Variants in NRG3 observed in about 807,000 individuals in gnomAD.
NRG3 encodes the protein neuregulin 3, also known as pro-neuregulin-3, membrane-bound isoform.
Under a neutral mutation model 66.9 loss-of-function variants are expected in NRG3, and 31 were observed. That is an observed-to-expected ratio of 0.46 (90% CI 0.35 to 0.63). The LOEUF is 0.63. Among genes scored for constraint, NRG3 ranks in the 20% least tolerant of loss-of-function variants. The pLI is 0.00. For synonymous variants in NRG3, 393 were observed against 359.4 expected, an observed-to-expected ratio of 1.09 and a Z score of -1.06; for missense variants, 910 against 878.9, an observed-to-expected ratio of 1.04 and a Z score of -0.45.
At chr10:81,876,747 C>A (rs1232076295) in intron 1 of NRG3, among the ~76,000 whole-genome samples, 1 of 152,112 alleles carries the variant, frequency 6.6e-6, no homozygotes, top group Non-Finnish European at 1.5e-5. Flanking sequence ...TAATTAGAAG[C>A]CACTGGGAGA....
intron 2 of NRG3, among the ~76,000 whole-genome samples, chr10:82,404,641 T>C (rs1348171866): frequency 6.6e-6 from 1 of 152,212 alleles, no homozygotes; most frequent in African/African-American, 2.4e-5. Context: ...TCCTAAGTTA[T>C]GGGAAAATAT....
At chr10:82,013,599 T>G (rs2061666368) in intron 1 of NRG3, among the ~76,000 whole-genome samples, 1 of 152,164 alleles carries the variant, frequency 6.6e-6, no homozygotes, top group Non-Finnish European at 1.5e-5. Context: ...GTGAATAAGT[T>G]TCAGAAATTC....
chr10:82,614,786 A>G (rs1448888168), intron 2 of NRG3, among the ~76,000 whole-genome samples: 1 of 152,120 alleles, frequency 6.6e-6, no homozygotes, highest in East Asian at 1.9e-4. Flanking sequence ...CTCAAATTTC[A>G]ATCTTCATCC....
chr10:81,906,991 G>A (rs935171140), intron 1 of NRG3, among the ~76,000 whole-genome samples: 1 of 152,134 alleles, frequency 6.6e-6, no homozygotes, highest in Admixed American at 6.6e-5. Flanking sequence ...GCTACTTTTG[G>A]AGAGAGAAGT....
At chr10:82,172,405 A>G (rs988258067) in intron 1 of NRG3, among the ~76,000 whole-genome samples, 7 of 152,096 alleles carry the variant, frequency 4.6e-5, no homozygotes, top group African/African-American at 1.7e-4. Flanking sequence ...TCTTTGATTT[A>G]TTTTTAATGT....
intron 2 of NRG3, among the ~76,000 whole-genome samples, chr10:82,482,860 T>C (rs1842388911): frequency 6.6e-6 from 1 of 152,100 alleles, no homozygotes; most frequent in African/African-American, 2.4e-5. Flanking sequence ...ACCTACAGGA[T>C]TACAGTGTGG....
At chr10:82,846,506 G>A (rs956206721) in intron 3 of NRG3, among the ~76,000 whole-genome samples, 5 of 152,058 alleles carry the variant, frequency 3.3e-5, no homozygotes, top group African/African-American at 1.2e-4. Flanking sequence ...TTATTTTTCA[G>A]TATCAAATAG....
intron 2 of NRG3, among the ~76,000 whole-genome samples, chr10:82,651,373 G>T (rs2133891275): frequency 6.6e-6 from 1 of 152,322 alleles, no homozygotes; most frequent in Non-Finnish European, 1.5e-5. Context: ...CAATAAAAGA[G>T]AAATAATGGG....
chr10:82,232,836 G>A (rs1486882068), intron 1 of NRG3: 1 of 717,286 alleles, frequency 1.4e-6, no homozygotes, highest in South Asian at 1.5e-5. Context: ...TGTAAGGCAT[G>A]GCCTTTGTTG....
intron 1 of NRG3, among the ~76,000 whole-genome samples, chr10:81,987,793 T>C (rs2060582796): frequency 6.6e-6 from 1 of 152,178 alleles, no homozygotes; most frequent in Admixed American, 6.5e-5. Context: ...CCAAAGAAAT[T>C]TAGCTGCCTT....
At chr10:82,086,722 G>T (rs2065749418) in intron 1 of NRG3, among the ~76,000 whole-genome samples, 1 of 152,082 alleles carries the variant, frequency 6.6e-6, no homozygotes, top group Admixed American at 6.5e-5. Flanking sequence ...AAAAAATACA[G>T]CCAGATCCTG....
chr10:82,048,836 A>C (rs1277866896), intron 1 of NRG3, among the ~76,000 whole-genome samples: 10 of 151,552 alleles, frequency 6.6e-5, no homozygotes, highest in African/African-American at 1.9e-4. Context: ...GGATCAACAA[A>C]ATTGATAGAC....
At chr10:82,738,262 C>T (rs1478277719) in intron 2 of NRG3, among the ~76,000 whole-genome samples, 2 of 152,246 alleles carry the variant, frequency 1.3e-5, no homozygotes, top group Admixed American at 6.5e-5. Flanking sequence ...AAAAATACAC[C>T]TGCATCCAGA....
intron 3 of NRG3, among the ~76,000 whole-genome samples, chr10:82,860,811 A>G (rs2064085336): frequency 6.6e-6 from 1 of 152,214 alleles, no homozygotes; most frequent in Non-Finnish European, 1.5e-5. Context: ...TTCCACCCTA[A>G]TATCTGTGCA....
chr10:82,246,893 A>C (rs1010378465), intron 1 of NRG3, among the ~76,000 whole-genome samples: 1 of 152,146 alleles, frequency 6.6e-6, no homozygotes, highest in Non-Finnish European at 1.5e-5. Context: ...CTTCTCTAAT[A>C]TAGGATCACA....
chr10:82,950,121 A>C (rs1849384160), intron 4 of NRG3, among the ~76,000 whole-genome samples: 1 of 152,300 alleles, frequency 6.6e-6, no homozygotes, highest in South Asian at 2.1e-4. Context: ...TGGGGAAAGA[A>C]GTAGGTGCAG....
chr10:82,229,951 T>G (rs2076372841), intron 1 of NRG3, among the ~76,000 whole-genome samples: 1 of 151,750 alleles, frequency 6.6e-6, no homozygotes, highest in African/African-American at 2.4e-5. Flanking sequence ...TAACAGTGAG[T>G]TAAAACAATT....
At chr10:82,201,379 C>T (rs948454628) in intron 1 of NRG3, among the ~76,000 whole-genome samples, 1 of 152,000 alleles carries the variant, frequency 6.6e-6, no homozygotes, top group Non-Finnish European at 1.5e-5. Flanking sequence ...GTTTTGATGT[C>T]TCATAAGGGG....
intron 2 of NRG3, among the ~76,000 whole-genome samples, chr10:82,686,643 G>A (rs1463208044): frequency 6.6e-6 from 1 of 152,136 alleles, no homozygotes; most frequent in South Asian, 2.1e-4. Context: ...TTATGGGACC[G>A]CAGTCATATA....
Sources: allele counts gnomAD v4.1 joint callset (sites outside exome capture counted in the v4.1 genomes callset), GRCh38; gene constraint gnomAD v4.1.1; transcripts MANE v1.5; gene names NCBI Gene and HGNC (gene_info 2026-07-23, HGNC 2026-07-21).